The following ENPEP variants were observed in gnomAD, a reference collection of about 807,000 sequenced individuals.
ENPEP encodes glutamyl aminopeptidase, also known as AP-A.
In ENPEP, 103 loss-of-function variants were observed where a neutral mutation model predicts 114.5. That is an observed-to-expected ratio of 0.90 (90% confidence interval 0.77 to 1.06). The LOEUF is 1.06. ENPEP is among the 50% of genes least tolerant of loss of function. The pLI is 0.00. For missense variants in ENPEP, 1,196 were observed against 1,161.3 expected (o/e 1.03, Z -0.43); for synonymous variants, 420 against 422.0 (o/e 1.00, Z 0.06).
At position 110,553,327 on chromosome 4, in the gene ENPEP, GC is replaced by G. The variant is rs1727357135; in HGVS notation, c.2515del (p.Leu839SerfsTer40). 1.9e-6 allele frequency: 3 copies of G among 1,592,768 alleles called. No individual in the cohort carries two copies. The East Asian group carries it at 6.7e-5, about 36-fold the overall frequency. ...TGGCTTCTCTTAGGTATTTGGATTT[GC>G]TCAAGGACACGAACCTTATTAAAAC... ...VTLLSRYLDL[L>X]KDTNLIKTQD... On this transcript the variant is annotated frameshift_variant, in exon 18 of 20. Transcript: ENST00000265162. LOFTEE classifies it high-confidence loss of function.
In ENPEP at chr4:110,540,382, T is replaced by C. The variant is rs143768594; in HGVS notation, c.1808-2369T>C. Among the ~76,000 whole-genome samples the C allele has an allele frequency of 3.3e-3, 507 of 152,200 alleles. 8 individuals are homozygous for C. Among genetic ancestry groups the C allele is most frequent in the East Asian group, 4.1e-3 (21 of 5,174 alleles). ...TTTATACTTTTTTGCATTTTCCAAG[T>C]GCTCCATAAAGAATACATACTATTG... On this transcript the variant is annotated intron_variant, in intron 11 of 19. Coordinates refer to ENST00000265162, the MANE Select transcript of ENPEP (RefSeq NM_001977.4).
At chr4:110,493,755 A>G (rs1724814246) in intron 3 of ENPEP, among the ~76,000 whole-genome samples, 1 of 152,186 alleles carries the variant, frequency 6.6e-6, no homozygotes, top group Non-Finnish European at 1.5e-5. Flanking sequence ...CACCCACCCA[A>G]GTACAAACTG....
intron 10 of ENPEP, among the ~76,000 whole-genome samples, chr4:110,523,039 G>T (rs1169463438): frequency 6.6e-6 from 1 of 152,190 alleles, no homozygotes; most frequent in African/African-American, 2.4e-5. Flanking sequence ...TGCTGTGAGT[G>T]CCTGTAAGGG....
intron 18 of ENPEP, among the ~76,000 whole-genome samples, chr4:110,555,568 T>A (rs1727439204): frequency 1.3e-5 from 2 of 152,044 alleles, no homozygotes; most frequent in Admixed American, 1.3e-4. Context: ...GAAATTATTC[T>A]TTGCTTTTGT....
At chr4:110,539,581 G>A (rs1432713386) in intron 11 of ENPEP, among the ~76,000 whole-genome samples, 8 of 151,988 alleles carry the variant, frequency 5.3e-5, no homozygotes, top group Admixed American at 1.3e-4. Flanking sequence ...AAATTGAGAT[G>A]GGGGTCTTGC....
At chr4:110,488,065 G>C (rs1724567291) in intron 1 of ENPEP, among the ~76,000 whole-genome samples, 1 of 152,182 alleles carries the variant, frequency 6.6e-6, no homozygotes, top group African/African-American at 2.4e-5. Flanking sequence ...ACAGGGACTG[G>C]GGACTCTGGA....
At position 110,550,011 on chromosome 4, in the gene ENPEP, C is replaced by T; in HGVS notation, c.2501+125C>T. The T allele has an allele frequency of 3.1e-6, 3 of 957,382 alleles. No individual in the cohort carries two copies. In the South Asian group the frequency reaches 5.9e-5, roughly 19 times the overall value. 59.3% of individuals were successfully genotyped at this position (957,382 alleles called of 1,614,324 possible). Reference sequence around the variant, plus strand: ...AAAAAATCCATTAAAAGTTATTTTCCCTGCAAGAAACAAAATATCCATGTA... The same window carrying T: ...AAAAAATCCATTAAAAGTTATTTTCTCTGCAAGAAACAAAATATCCATGTA... On this transcript the variant is annotated intron_variant, in intron 17 of 19. Coordinates refer to ENST00000265162, the MANE Select transcript of ENPEP (RefSeq NM_001977.4).
intron 3 of ENPEP, among the ~76,000 whole-genome samples, chr4:110,503,736 T>A (rs543528799): frequency 1.3e-5 from 2 of 152,332 alleles, no homozygotes; most frequent in East Asian, 3.9e-4. Context: ...TTGAGTACAG[T>A]CAGTTGATTT....
intron 3 of ENPEP, among the ~76,000 whole-genome samples, chr4:110,496,271 A>G (rs17622580): frequency 5.9e-5 from 9 of 152,006 alleles, no homozygotes; most frequent in Non-Finnish European, 1.3e-4. Flanking sequence ...TGTGCCATAG[A>G]CTTTGATTTA....
chr4:110,561,525 A>C lies in ENPEP; in HGVS notation c.2841A>C (p.Arg947Ser). 1 of 1,613,716 alleles carries C rather than the reference A, an allele frequency of 6.2e-7. No individual in the cohort carries two copies. The highest frequency in any genetic ancestry group is 8.5e-7 in the Non-Finnish European group (1 of 1,179,782). ...TAAAACAACATAGAAACACCATCAG[A>C]GAATGGTTTTTTAATTTACTTGAGA... ...EWLKQHRNTI[R>S]EWFFNLLESG The change falls in exon 20 of 20, where the codon AGA becomes AGC. Residue 947 changes from arginine to serine, a missense_variant. Arg to Ser is a moderately radical substitution (Grantham distance 110, BLOSUM62 -1). Coordinates refer to ENST00000265162, the MANE Select transcript of ENPEP (RefSeq NM_001977.4).
rs1354752970 is a variant in ENPEP, at chr4:110,482,784, G to A, written c.644+5726G>A. ...AGCATTTTGGAAGGCTGAGGTGGGC[G>A]GATCACCTGAGGTCAGGAGTTCGAG... On this transcript the variant is annotated intron_variant, in intron 1 of 19. Transcript: ENST00000265162. Among the ~76,000 whole-genome samples, 6 of 152,086 alleles carry A rather than the reference G, an allele frequency of 3.9e-5. No homozygotes were observed. The East Asian group carries it at 7.7e-4, about 20-fold the overall frequency.
intron 1 of ENPEP, among the ~76,000 whole-genome samples, chr4:110,479,097 C>T (rs1281583533): frequency 2.0e-5 from 3 of 152,160 alleles, no homozygotes; most frequent in Non-Finnish European, 4.4e-5. Context: ...CCAAGTATAG[C>T]CATTGTTAAC....
At chr4:110,510,140 C>A in intron 5 of ENPEP, 105 bp from the exon 6 acceptor site, 1 of 909,126 alleles carries the variant, frequency 1.1e-6, no homozygotes, top group Non-Finnish European at 1.7e-6. Flanking sequence ...CCACTTCTGT[C>A]ACAGTGACAA....
chr4:110,552,340 C>T (rs1209486262), intron 17 of ENPEP, among the ~76,000 whole-genome samples: 3 of 152,132 alleles, frequency 2.0e-5, no homozygotes. Flanking sequence ...TCTCCAGTCT[C>T]ATTTAGGGTA....
intron 6 of ENPEP, chr4:110,512,418 A>G (rs1324215406): frequency 6.6e-6 from 1 of 152,194 alleles, no homozygotes; most frequent in Non-Finnish European, 1.5e-5. Context: ...ACCATACTTA[A>G]ACTTCCTAGG....
chr4:110,490,318 C>T (rs1294175142), intron 2 of ENPEP, among the ~76,000 whole-genome samples: 1 of 152,206 alleles, frequency 6.6e-6, no homozygotes, highest in African/African-American at 2.4e-5. Flanking sequence ...CAGCCGCACC[C>T]ATTCTAATCC....
intron 18 of ENPEP, chr4:110,559,011 T>C (rs1578422973): frequency 6.6e-6 from 1 of 152,120 alleles, no homozygotes. Context: ...ATGCTGGAGG[T>C]GTTCTGCCGT....
chr4:110,549,789 T>C lies in ENPEP; in HGVS notation c.2404T>C (p.Tyr802His), dbSNP rs1461518733. 2 of 1,608,722 alleles carry C rather than the reference T, an allele frequency of 1.2e-6. No homozygotes were observed. The highest frequency in any genetic ancestry group is 2.2e-5 in the East Asian group (1 of 44,852). The change falls in exon 17 of 20, where the codon TAC becomes CAC. Residue 802 changes from tyrosine (Y) to histidine (H), a missense_variant. Coordinates refer to ENST00000265162, the MANE Select transcript of ENPEP (RefSeq NM_001977.4). ...QNSGNEISWN[Y>H]TLEQYQKTSL... is the part of the protein sequence containing the mutation. ...CTCTGGCAATGAGATTTCATGGAAC[T>C]ACACTCTTGAGCAATACCAGAAAAC... is the stretch of plus-strand genomic sequence containing the variant.
chr4:110,527,008 A>G (rs992657117), intron 10 of ENPEP, among the ~76,000 whole-genome samples: 1 of 152,152 alleles, frequency 6.6e-6, no homozygotes, highest in Non-Finnish European at 1.5e-5. Context: ...TTCAGAAGAG[A>G]AAGATCTTTA....
Sources: allele counts gnomAD v4.1 joint callset (sites outside exome capture counted in the v4.1 genomes callset), GRCh38; gene constraint gnomAD v4.1.1; transcripts MANE v1.5; gene names NCBI Gene and HGNC (gene_info 2026-07-23, HGNC 2026-07-21).